Variants in CCDC186 observed in about 807,000 individuals in gnomAD.
The protein encoded by CCDC186 is coiled-coil domain containing 186, also known as coiled-coil domain-containing protein 186.
CCDC186 carries 49 observed loss-of-function variants against 113.7 expected under a neutral mutation model. That is an observed-to-expected ratio of 0.43 (90% CI 0.34 to 0.55). The LOEUF (loss-of-function observed/expected upper bound fraction) is 0.55. Ranked by LOEUF, CCDC186 falls within the 20% of genes least tolerant of loss-of-function variation. The probability of loss-of-function intolerance (pLI) is 0.02; values close to 1 mark genes in which losing one functional copy is unlikely to be tolerated. For synonymous variants in CCDC186, 355 were observed against 345.8 expected, an observed-to-expected ratio of 1.03 and a Z score of -0.30; for missense variants, 890 against 1,011.1, an observed-to-expected ratio of 0.88 and a Z score of 1.62.
Position 114,123,857 on chromosome 10 carries a change from GT to G in CCDC186, c.*1285del. On this transcript the variant is annotated 3_prime_UTR_variant, in exon 16 of 16. Transcript: ENST00000369287. ...ATTTTAGGTATGTGTGAGGTTTTTT[GT>G]TTTAAGAGACAGGGTCTTGCTCTGT... 1 of 152,090 alleles carries G rather than the reference GT, an allele frequency of 6.6e-6. No homozygotes were observed. The allele number at this position is 152,090 out of a possible 1,614,324, so 9.4% of individuals were successfully genotyped here.
At chr10:114,164,074 G>GTT (rs2119818745) in intron 1 of CCDC186, among the ~76,000 whole-genome samples, 1 of 116,916 alleles carries the variant, frequency 8.6e-6, no homozygotes, top group South Asian at 2.8e-4. Context: ...GAGTGTGTGT[G>GTT]TGTGTGTGTG....
Position 114,131,268 on chromosome 10 carries a change from A to G in CCDC186, c.1980T>C (p.Ala660=). ...ATGCTTTAACTTCTGTTTGTCTACA[A>G]GCGAGTTCAGCTTGCAGAGTTTGGA... is the stretch of plus-strand genomic sequence containing the variant. ...EEVQTLQAEL[A]CRQTEVKALS... is the part of the protein sequence containing the mutation. The change falls in exon 12 of 16, where the codon GCT becomes GCC. Residue 660 remains alanine (A), a synonymous_variant. Transcript: ENST00000369287. The G allele has an allele frequency of 6.2e-7, 1 of 1,603,650 alleles. No homozygotes were observed. Among genetic ancestry groups the G allele is most frequent in the Admixed American group, 1.7e-5 (1 of 57,754 alleles).
In CCDC186 at chr10:114,125,964, T is replaced by C; in HGVS notation, c.2535A>G (p.Thr845=). The C allele has an allele frequency of 6.2e-7, 1 of 1,614,052 alleles. No homozygotes were observed. The highest frequency in any genetic ancestry group is 8.5e-7 in the Non-Finnish European group (1 of 1,179,948). ...YTSHPADNGL[T]LELSLEINRK... ...GGTTGATTTCCAAAGAGAGCTCCAATGTTAATCCATTGTCAGCTGGATGGG... is the reference window on the plus strand; with the variant it reads ...GGTTGATTTCCAAAGAGAGCTCCAACGTTAATCCATTGTCAGCTGGATGGG... The change falls in exon 15 of 16, where the codon ACA becomes ACG. Residue 845 remains threonine (T), a synonymous_variant. Transcript: ENST00000369287.
intron 2 of CCDC186, chr10:114,161,865 T>C (rs146194570): frequency 6.6e-6 from 1 of 152,056 alleles, no homozygotes; most frequent in East Asian, 1.9e-4. Flanking sequence ...TAAAAAGAAA[T>C]GAAATTCTGA....
intron 6 of CCDC186, among the ~76,000 whole-genome samples, chr10:114,137,775 G>A (rs1348918770): frequency 4.0e-5 from 6 of 151,608 alleles, no homozygotes; most frequent in African/African-American, 1.5e-4. Context: ...GGTGGCTCAT[G>A]CCTGTAATCC....
chr10:114,173,504 C>CCACT (rs2032582404), intron 1 of CCDC186, among the ~76,000 whole-genome samples: 1 of 152,308 alleles, frequency 6.6e-6, no homozygotes, highest in East Asian at 1.9e-4. Context: ...ACAGTATCCA[C>CCACT]CACTCCAAAG....
At position 114,124,972 on chromosome 10, in the gene CCDC186, T is replaced by C. The variant is rs2030841944; in HGVS notation, c.*171A>G. 1 of 510,238 alleles carries C rather than the reference T, an allele frequency of 2.0e-6. No individual in the cohort carries two copies. 31.6% of individuals were successfully genotyped at this position (510,238 alleles called of 1,614,324 possible). ...TTCATCAAAGCTTTCAGTCTTACAG[T>C]ATATACAGCAATGCATTCATATTGT... On this transcript the variant is annotated 3_prime_UTR_variant, in exon 16 of 16. Coordinates refer to ENST00000369287, the MANE Select transcript of CCDC186 (RefSeq NM_018017.4).
chr10:114,157,515 A>G, intron 3 of CCDC186, 39 bp downstream of exon 3: 2 of 1,543,142 alleles, frequency 1.3e-6, no homozygotes, highest in South Asian at 1.2e-5. Flanking sequence ...TTATTTTATT[A>G]ATTGAAGTAT....
chr10:114,147,381 G>GT (rs1223492232), intron 4 of CCDC186, among the ~76,000 whole-genome samples: 2 of 152,032 alleles, frequency 1.3e-5, no homozygotes, highest in Non-Finnish European at 2.9e-5. Flanking sequence ...TGGCAGGAAG[G>GT]GTAAAAGATG....
chr10:114,170,054 T>A (rs1369735671), intron 1 of CCDC186, among the ~76,000 whole-genome samples: 1 of 152,158 alleles, frequency 6.6e-6, no homozygotes, highest in Non-Finnish European at 1.5e-5. Context: ...CATGCCACCA[T>A]ACCCAGATAA....
intron 1 of CCDC186, among the ~76,000 whole-genome samples, chr10:114,164,496 T>C (rs1257026587): frequency 5.3e-5 from 8 of 152,158 alleles, no homozygotes; most frequent in Non-Finnish European, 1.0e-4. Flanking sequence ...TCTTCAAATA[T>C]TATCCCACAA....
chr10:114,162,580 C>G, intron 2 of CCDC186, 57 bp downstream of exon 2: 1 of 1,267,510 alleles, frequency 7.9e-7, no homozygotes, highest in Non-Finnish European at 1.1e-6. Context: ...AGAATTTTAT[C>G]TCGAATCCCT....
chr10:114,122,054 C>A lies in CCDC186; in HGVS notation c.*3089G>T. ...CTCAAACTCCTGGGCTCAAACAATC[C>A]TCCCACCTCAGCCTCCCAAAGTGCT... On this transcript the variant is annotated 3_prime_UTR_variant, in exon 16 of 16. Coordinates refer to ENST00000369287, the MANE Select transcript of CCDC186 (RefSeq NM_018017.4). The A allele has an allele frequency of 6.6e-6, 1 of 152,356 alleles. No homozygotes were observed. The highest frequency in any genetic ancestry group is 1.5e-5 in the Non-Finnish European group (1 of 68,164). The allele number at this position is 152,356 out of a possible 1,614,324, so 9.4% of individuals were successfully genotyped here. A position where few individuals can be genotyped will look rare whatever the true frequency, so the allele number is the denominator to read the frequency against.
intron 9 of CCDC186, 22 bp from the exon 10 acceptor site, chr10:114,135,077 G>A: frequency 6.3e-7 from 1 of 1,587,754 alleles, no homozygotes; most frequent in Non-Finnish European, 8.5e-7. Flanking sequence ...TCACAACCAA[G>A]TTACAAACCA....
In CCDC186 at chr10:114,127,508, C is replaced by T; in HGVS notation, c.2346G>A (p.Met782Ile). The T allele has an allele frequency of 6.2e-7, 1 of 1,613,944 alleles. No homozygotes were observed. Among genetic ancestry groups the T allele is most frequent in the Non-Finnish European group, 8.5e-7 (1 of 1,179,974 alleles). Reference protein sequence around the residue: ...HARKNEKIEFMEDHIKQLVEE... With the variant: ...HARKNEKIEFIEDHIKQLVEE... ...CCACCAGTTGTTTGATGTGGTCCTC[C>T]ATAAATTCTATCTTTTCATTTTTCC... Residue 782 changes from methionine to isoleucine, a missense_variant, in exon 14 of 16, where the codon ATG becomes ATA. Coordinates refer to ENST00000369287, the MANE Select transcript of CCDC186 (RefSeq NM_018017.4).
intron 6 of CCDC186, among the ~76,000 whole-genome samples, chr10:114,138,795 T>G (rs530208589): frequency 2.6e-5 from 4 of 152,246 alleles, no homozygotes; most frequent in Admixed American, 1.3e-4. Context: ...GGCTTTTACT[T>G]CCTGTGGTGA....
intron 1 of CCDC186, among the ~76,000 whole-genome samples, chr10:114,167,054 C>T (rs2119819357): frequency 7.0e-6 from 1 of 143,840 alleles, no homozygotes; most frequent in East Asian, 2.0e-4. Context: ...TGGAGTCTCG[C>T]TCTGTTGCCA....
chr10:114,167,691 T>TG (rs1395720341), intron 1 of CCDC186, among the ~76,000 whole-genome samples: 1 of 148,140 alleles, frequency 6.8e-6, no homozygotes, highest in African/African-American at 2.5e-5. Context: ...GCTGATACAC[T>TG]GGGGGTGCAG....
Position 114,135,934 on chromosome 10 carries a change from G to T in CCDC186, c.1469C>A (p.Thr490Lys). 2 of 1,613,090 alleles carry T rather than the reference G, an allele frequency of 1.2e-6. No homozygotes were observed. Among genetic ancestry groups the T allele is most frequent in the Non-Finnish European group, 1.7e-6 (2 of 1,179,542 alleles). ...TAACTCATCCATACCCTCCTTAAAT[G>T]TTCTCTTCAGATCTTCTAGTTCCTT... Reference protein sequence around the residue: ...KIKELEDLKRTFKEGMDELRT... With the variant: ...KIKELEDLKRKFKEGMDELRT... Residue 490 changes from threonine to lysine, a missense_variant, in exon 9 of 16, where the codon ACA (threonine) becomes AAA (lysine). By Grantham distance (78) the Thr-to-Lys change is moderately conservative. Transcript: ENST00000369287.
Sources: allele counts gnomAD v4.1 joint callset (sites outside exome capture counted in the v4.1 genomes callset), GRCh38; gene constraint gnomAD v4.1.1; transcripts MANE v1.5; gene names NCBI Gene and HGNC (gene_info 2026-07-23, HGNC 2026-07-21).